The following DMD variants were observed in gnomAD, a reference collection of about 807,000 sequenced individuals.
The protein encoded by DMD is dystrophin.
Under a neutral mutation model 330.1 loss-of-function variants are expected in DMD, and 63 were observed. That is an observed-to-expected ratio of 0.19 (90% CI 0.16 to 0.24). The LOEUF (loss-of-function observed/expected upper bound fraction) is 0.24, where lower values mean the gene tolerates loss of function less well. Among genes scored for constraint, DMD ranks in the 10% least tolerant of loss-of-function variants. The pLI, the probability that DMD is intolerant of heterozygous loss-of-function variation, is 1.00. For missense variants in DMD, 3,344 were observed against 2,684.1 expected (o/e 1.25, Z -5.43); for synonymous variants, 1,223 against 959.8 (o/e 1.27, Z -5.07).
chrX:31,472,145 A>C (rs2067345777), intron 59 of DMD, among the ~76,000 whole-genome samples: 1 of 112,469 alleles, frequency 8.9e-6, no homozygotes, highest in African/African-American at 3.2e-5. Context: ...TGCACAAAAC[A>C]TTAATAAATT....
intron 47 of DMD, among the ~76,000 whole-genome samples, chrX:31,920,765 T>C (rs1438881408): frequency 8.9e-6 from 1 of 112,011 alleles, no homozygotes; most frequent in Non-Finnish European, 1.9e-5. Context: ...CTAAGAATAG[T>C]CGAATTTGTT....
At chrX:32,132,993 C>CTTTTTTTTTTTTTTTTTTTTTTTTT (rs377615262) in intron 44 of DMD, among the ~76,000 whole-genome samples, 5 of 75,969 alleles carry the variant, frequency 6.6e-5, no homozygotes, top group African/African-American at 2.1e-4. Context: ...CTTTTCTTTT[C>CTTTTTTTTTTTTTTTTTTTTTTTTT]TTTTTTTTTT....
At chrX:32,172,811 G>T (rs955444041) in intron 44 of DMD, among the ~76,000 whole-genome samples, 1 of 111,388 alleles carries the variant, frequency 9.0e-6, no homozygotes, top group Admixed American at 9.6e-5. Flanking sequence ...TTATAAAATT[G>T]AATTCAGCTG....
At chrX:33,191,543 C>T (rs939498038) in intron 1 of DMD, among the ~76,000 whole-genome samples, 1 of 110,866 alleles carries the variant, frequency 9.0e-6, no homozygotes, top group Non-Finnish European at 1.9e-5. Context: ...TCTGCCTCAG[C>T]CTCCCAAGCA....
intron 62 of DMD, among the ~76,000 whole-genome samples, chrX:31,276,026 A>G (rs1213124914): frequency 8.9e-6 from 1 of 112,445 alleles, no homozygotes; most frequent in Non-Finnish European, 1.9e-5. Flanking sequence ...TAAAACTTTA[A>G]GAAGCGAGGA....
At chrX:32,889,779 C>A (rs974319194) in intron 2 of DMD, among the ~76,000 whole-genome samples, 4 of 111,118 alleles carry the variant, frequency 3.6e-5, no homozygotes, top group Non-Finnish European at 7.5e-5. Context: ...ATCCCACCAC[C>A]CTTGGCTGAC....
intron 43 of DMD, among the ~76,000 whole-genome samples, chrX:32,252,596 AT>A (rs2097267990): frequency 2.4e-5 from 1 of 41,422 alleles, no homozygotes; most frequent in African/African-American, 1.3e-4. Flanking sequence ...ATATATATAT[AT>A]ATAAACATAT....
intron 2 of DMD, among the ~76,000 whole-genome samples, chrX:32,887,774 A>AAAAAAAAAAC (rs1368313935): frequency 9.7e-6 from 1 of 103,550 alleles, no homozygotes; most frequent in Non-Finnish European, 1.9e-5. Context: ...AAAAAAAAAA[A>AAAAAAAAAAC]AACATCAACT....
In DMD at chrX:32,971,405, A is replaced by G. The variant is rs771411836; in HGVS notation, c.93+48734T>C. On this transcript the variant is annotated intron_variant, in intron 2 of 78. Coordinates refer to ENST00000357033, the MANE Select transcript of DMD (RefSeq NM_004006.3). ...TTAACTAAATACTTGGTCACACTAT[A>G]TAAGTGGCATGTGAAGAAAAAACAG... 4.5e-5 allele frequency among the ~76,000 whole-genome samples: 5 copies of G among 111,908 alleles called. No individual in the cohort carries two copies. The East Asian group carries it at 1.4e-3, about 31-fold the overall frequency.
At chrX:31,842,836 C>T (rs1283220233) in intron 48 of DMD, among the ~76,000 whole-genome samples, 1 of 111,143 alleles carries the variant, frequency 9.0e-6, no homozygotes, top group South Asian at 3.8e-4. Context: ...TAGTGCGCAC[C>T]GTATCTAATA....
intron 42 of DMD, among the ~76,000 whole-genome samples, chrX:32,302,804 C>G (rs942228486): frequency 1.8e-5 from 2 of 111,064 alleles, no homozygotes; most frequent in Non-Finnish European, 3.8e-5. Context: ...TTCACTGTAT[C>G]TTCACAAGAG....
chrX:31,973,235 A>T (rs1319519875), intron 44 of DMD, among the ~76,000 whole-genome samples: 6 of 109,946 alleles, frequency 5.5e-5, no homozygotes, highest in Non-Finnish European at 1.1e-4. Context: ...CAATTGAAAG[A>T]TGGCTAAAAT....
chrX:31,662,704 T>G (rs935172990), intron 53 of DMD, among the ~76,000 whole-genome samples: 3 of 111,666 alleles, frequency 2.7e-5, no homozygotes, highest in African/African-American at 9.8e-5. Context: ...TGCAGTTTGA[T>G]CTTAAGGAAG....
At chrX:32,510,685 C>A (rs2045201862) in intron 18 of DMD, among the ~76,000 whole-genome samples, 2 of 111,475 alleles carry the variant, frequency 1.8e-5, no homozygotes, top group African/African-American at 6.5e-5. Context: ...AGTGCAAATT[C>A]ATAACGAACT....
At chrX:32,393,678 A>G (rs938828294) in intron 30 of DMD, among the ~76,000 whole-genome samples, 7 of 111,444 alleles carry the variant, frequency 6.3e-5, no homozygotes, top group Admixed American at 5.8e-4. Flanking sequence ...GGAAAGCAGA[A>G]AGAGAGAACA....
At chrX:31,255,014 C>T (rs1282044852) in intron 63 of DMD, among the ~76,000 whole-genome samples, 1 of 100,553 alleles carries the variant, frequency 9.9e-6, no homozygotes, top group Non-Finnish European at 2.0e-5. Context: ...CACTGCACTC[C>T]AGTCTATGTG....
At chrX:32,160,895 A>AT (rs1327842976) in intron 44 of DMD, among the ~76,000 whole-genome samples, 1 of 111,117 alleles carries the variant, frequency 9.0e-6, no homozygotes, top group Non-Finnish European at 1.9e-5. Context: ...GATCAGTACC[A>AT]TTTTTTGCTA....
intron 62 of DMD, among the ~76,000 whole-genome samples, chrX:31,290,482 G>A (rs2053609452): frequency 9.0e-6 from 1 of 111,651 alleles, no homozygotes; most frequent in African/African-American, 3.2e-5. Flanking sequence ...GTTTAAGGTT[G>A]TATTTTCAGT....
At chrX:31,643,728 C>T (rs1466823961) in intron 54 of DMD, among the ~76,000 whole-genome samples, 2 of 111,669 alleles carry the variant, frequency 1.8e-5, no homozygotes, top group Admixed American at 9.5e-5. Context: ...TAGATTCTCC[C>T]ATTAAATTAT....
Sources: gnomAD v4.1 joint callset for allele counts (sites outside exome capture counted in the v4.1 genomes callset) on GRCh38, gnomAD v4.1.1 for gene constraint, MANE v1.5 for transcripts, NCBI Gene and HGNC (gene_info 2026-07-23, HGNC 2026-07-21) for gene names.